RASAL2: variants seen among roughly 807,000 people sequenced by gnomAD.
The protein encoded by RASAL2 is RAS protein activator like 2, also known as ras GTPase-activating protein nGAP.
A neutral mutation model predicts 128.9 loss-of-function variants in RASAL2; 58 were observed. That is an observed-to-expected ratio of 0.45 (90% confidence interval 0.36 to 0.56). The LOEUF (loss-of-function observed/expected upper bound fraction) is 0.56, where lower values mean the gene tolerates loss of function less well. RASAL2 is among the 20% of genes least tolerant of loss of function. The probability of loss-of-function intolerance (pLI) is 0.00; values close to 1 mark genes in which losing one functional copy is unlikely to be tolerated. For missense variants in RASAL2, 1,360 were observed against 1,601.6 expected, an observed-to-expected ratio of 0.85 and a Z score of 2.57; for synonymous variants, 561 against 580.8, an observed-to-expected ratio of 0.97 and a Z score of 0.49.
intron 1 of RASAL2, among the ~76,000 whole-genome samples, chr1:178,242,830 G>T (rs557543803): frequency 5.3e-5 from 8 of 152,174 alleles, no homozygotes; most frequent in African/African-American, 1.9e-4. Context: ...AGGCTCAAGC[G>T]ATCCTCACAC....
intron 1 of RASAL2, among the ~76,000 whole-genome samples, chr1:178,232,015 A>G (rs1472984427): frequency 6.6e-6 from 1 of 152,228 alleles, no homozygotes. Flanking sequence ...TTCGACCATA[A>G]TAAGAAAAAG....
chr1:178,459,359 GTATATAA>G (rs1678012251), intron 14 of RASAL2, among the ~76,000 whole-genome samples: 1 of 151,230 alleles, frequency 6.6e-6, no homozygotes, highest in South Asian at 2.1e-4. Flanking sequence ...AATTTTTCAT[GTATATAA>G]TATATATCTT....
At chr1:178,375,797 GA>G (rs901855832) in intron 3 of RASAL2, among the ~76,000 whole-genome samples, 12 of 152,262 alleles carry the variant, frequency 7.9e-5, no homozygotes, top group Middle Eastern at 3.4e-3. Flanking sequence ...GAAATAAATT[GA>G]GAAAGGGAGC....
intron 1 of RASAL2, among the ~76,000 whole-genome samples, chr1:178,241,949 T>G (rs1664516752): frequency 6.6e-6 from 1 of 152,182 alleles, no homozygotes; most frequent in Admixed American, 6.5e-5. Context: ...TCAATTCAAT[T>G]TTTTGCTCAT....
At chr1:178,362,328 G>A (rs1252229471) in intron 3 of RASAL2, among the ~76,000 whole-genome samples, 2 of 152,050 alleles carry the variant, frequency 1.3e-5, no homozygotes, top group Non-Finnish European at 1.5e-5. Flanking sequence ...CATGGATACC[G>A]AGAGATTACT....
intron 4 of RASAL2, among the ~76,000 whole-genome samples, chr1:178,415,475 T>C (rs922024414): frequency 1.3e-5 from 2 of 152,114 alleles, no homozygotes; most frequent in Admixed American, 1.3e-4. Context: ...TAATATGTGT[T>C]TTATGCCCAG....
Position 178,452,522 on chromosome 1 carries a change from C to T in RASAL2, c.1879C>T (p.Leu627Phe), listed in dbSNP as rs562386704. Reference sequence around the variant, plus strand: ...GAGGCTCATCAGTGCCTCATTATTTCTCCGTTTTCTGTGTCCAGCCATTAT... The same window carrying T: ...GAGGCTCATCAGTGCCTCATTATTTTTCCGTTTTCTGTGTCCAGCCATTAT... ...SERLISASLF[L>F]RFLCPAIMSP... The change falls in exon 11 of 18, where the codon CTC (leucine) becomes TTC (phenylalanine). Residue 627 changes from leucine to phenylalanine, a missense_variant. Physicochemically the swap from Leu to Phe is conservative, Grantham distance 22 (BLOSUM62 0). Coordinates refer to ENST00000367649, the MANE Select transcript of RASAL2 (RefSeq NM_170692.4). 6.2e-7 allele frequency: 1 copy of T among 1,614,048 alleles called. No individual in the cohort carries two copies. Among genetic ancestry groups the T allele is most frequent in the African/African-American group, 1.3e-5 (1 of 75,020 alleles).
chr1:178,168,390 T>G (rs1264935244), intron 1 of RASAL2, among the ~76,000 whole-genome samples: 1 of 152,034 alleles, frequency 6.6e-6, no homozygotes, highest in South Asian at 2.1e-4. Flanking sequence ...ATCAGAAATA[T>G]TACTACTATA....
chr1:178,318,279 G>A (rs1156888948), intron 3 of RASAL2, among the ~76,000 whole-genome samples: 3 of 146,900 alleles, frequency 2.0e-5, no homozygotes, highest in East Asian at 2.0e-4. Context: ...GTTGATTTGG[G>A]GTGGAGAGTT....
At chr1:178,400,103 C>T (rs151260357) in intron 4 of RASAL2, among the ~76,000 whole-genome samples, 19 of 152,298 alleles carry the variant, frequency 1.2e-4, no homozygotes, top group East Asian at 7.7e-4. Context: ...AACTGTCAGT[C>T]GCCCGCTGAA....
chr1:178,172,717 CATA>C (rs1661743855), intron 1 of RASAL2, among the ~76,000 whole-genome samples: 1 of 152,042 alleles, frequency 6.6e-6, no homozygotes, highest in South Asian at 2.1e-4. Flanking sequence ...CACTAGGAGA[CATA>C]ATGAGATAGT....
intron 1 of RASAL2, among the ~76,000 whole-genome samples, chr1:178,136,935 T>C (rs77546290): frequency 0.021 from 3,169 of 152,178 alleles, 96 homozygotes; most frequent in African/African-American, 0.069. Context: ...TGAGAACTAA[T>C]TGAAGGCTTT....
At chr1:178,457,119 CA>C (rs1450761116) in intron 13 of RASAL2, among the ~76,000 whole-genome samples, 1 of 152,178 alleles carries the variant, frequency 6.6e-6, no homozygotes, top group East Asian at 1.9e-4. Flanking sequence ...ATATATTCCA[CA>C]AGCATATTTT....
chr1:178,161,716 A>G (rs1408271280), intron 1 of RASAL2, among the ~76,000 whole-genome samples: 1 of 152,126 alleles, frequency 6.6e-6, no homozygotes, highest in African/African-American at 2.4e-5. Context: ...CCCACCAGCA[A>G]TGAATAAGGA....
intron 1 of RASAL2, among the ~76,000 whole-genome samples, chr1:178,122,198 G>A (rs775352793): frequency 1.3e-5 from 2 of 152,168 alleles, no homozygotes; most frequent in Admixed American, 6.5e-5. Context: ...CATGAAATGT[G>A]CATTAAAATC....
At position 178,190,715 on chromosome 1, in the gene RASAL2, A is replaced by C. The variant is rs144662192; in HGVS notation, c.203-92849A>C. 6.5e-3 allele frequency among the ~76,000 whole-genome samples: 894 copies of C among 138,336 alleles called. 5 individuals are homozygous for C. The highest frequency in any genetic ancestry group is 0.015 in the Admixed American group (187 of 12,868). The allele number at this position is 138,336 out of a possible 152,430, so 90.8% of individuals were successfully genotyped here. On this transcript the variant is annotated intron_variant, in intron 1 of 17. Transcript: ENST00000367649. ...ATATGCGTGATCTTATGCATATTAAACTTTGTTGTAATTTCATAGTTAAAA... is the reference window on the plus strand; with the variant it reads ...ATATGCGTGATCTTATGCATATTAACCTTTGTTGTAATTTCATAGTTAAAA...
At chr1:178,376,620 C>T (rs1672001273) in intron 3 of RASAL2, among the ~76,000 whole-genome samples, 1 of 152,088 alleles carries the variant, frequency 6.6e-6, no homozygotes, top group African/African-American at 2.4e-5. Flanking sequence ...GGGGAGATAA[C>T]AGCTACTGTA....
chr1:178,279,003 A>T (rs1666655024), intron 1 of RASAL2, among the ~76,000 whole-genome samples: 1 of 152,182 alleles, frequency 6.6e-6, no homozygotes, highest in Non-Finnish European at 1.5e-5. Context: ...TAGCATTTGC[A>T]GTTACTGAAT....
intron 1 of RASAL2, among the ~76,000 whole-genome samples, chr1:178,144,527 A>T (rs1402414041): frequency 1.3e-5 from 2 of 152,166 alleles, no homozygotes; most frequent in African/African-American, 4.8e-5. Context: ...ACTGTGCTTG[A>T]CACGTAGTTG....
Sources: allele counts gnomAD v4.1 joint callset (sites outside exome capture counted in the v4.1 genomes callset), GRCh38; gene constraint gnomAD v4.1.1; transcripts MANE v1.5; gene names NCBI Gene and HGNC (gene_info 2026-07-23, HGNC 2026-07-21).